The following SORCS2 variants were observed in gnomAD, a reference collection of about 807,000 sequenced individuals.
SORCS2 encodes VPS10 domain-containing receptor SorCS2.
SORCS2 carries 100 observed loss-of-function variants against 141.6 expected under a neutral mutation model. The observed-to-expected ratio is 0.71, with a 90% CI of 0.60 to 0.83. The LOEUF (loss-of-function observed/expected upper bound fraction) is 0.83, where lower values mean the gene tolerates loss of function less well. SORCS2 is among the 40% of genes least tolerant of loss of function. The pLI is 0.00. For synonymous variants in SORCS2, 789 were observed against 676.9 expected (o/e 1.17, Z -2.57); for missense variants, 1,646 against 1,560.2 (o/e 1.05, Z -0.93).
At position 7,531,542 on chromosome 4, in the gene SORCS2, C is replaced by A; in HGVS notation, c.561C>A (p.Phe187Leu). 6.2e-7 allele frequency: 1 copy of A among 1,613,736 alleles called. No individual in the cohort carries two copies. Among genetic ancestry groups the A allele is most frequent in the South Asian group, 1.1e-5 (1 of 91,050 alleles). ...LESSLWRSSD[F>L]GTSYTKLTLQ... ...CCTTTTCCCCCAGGTCATCAGATTT[C>A]GGGACGTCCTACACCAAGCTCACCC... Residue 187 changes from phenylalanine (F) to leucine (L), a missense_variant, in exon 3 of 27, where the codon TTC (phenylalanine) becomes TTA (leucine). Physicochemically the swap from Phe to Leu is conservative, Grantham distance 22. Coordinates refer to ENST00000507866, the MANE Select transcript of SORCS2 (RefSeq NM_020777.3).
rs184799465 is a variant in SORCS2, at chr4:7,306,044, C to T, written c.481-90244C>T. On this transcript the variant is annotated intron_variant, in intron 1 of 26. Transcript: ENST00000507866. The stretch of plus-strand genomic sequence containing the variant: ...CCCTGCCTGCAGTCACTCCCTTCCT[C>T]GACACACTCTTGGGCTTGCTGTGAG... Among the ~76,000 whole-genome samples the T allele has an allele frequency of 6.1e-3, 934 of 152,292 alleles. 8 individuals are homozygous for T. The highest frequency in any genetic ancestry group is 0.022 in the African/African-American group (901 of 41,552).
chr4:7,444,293 A>G (rs890226921), intron 2 of SORCS2, among the ~76,000 whole-genome samples: 7 of 152,252 alleles, frequency 4.6e-5, no homozygotes, highest in African/African-American at 1.4e-4. Flanking sequence ...ATTAAACAAC[A>G]CATAATAAGT....
Position 7,582,078 on chromosome 4 carries a change from G to A in SORCS2, c.648+50449G>A, listed in dbSNP as rs185957823. Among the ~76,000 whole-genome samples the A allele has an allele frequency of 1.1e-3, 161 of 152,250 alleles. 1 individual carries two copies. The highest frequency in any genetic ancestry group is 0.01 in the Middle Eastern group (3 of 294). The stretch of plus-strand genomic sequence containing the variant: ...AGATAACGATGATTTGGCCATTTTT[G>A]TGGTCACCTACCACTTATTGGAGAC... On this transcript the variant is annotated intron_variant, in intron 3 of 26. Coordinates refer to ENST00000507866, the MANE Select transcript of SORCS2 (RefSeq NM_020777.3).
At chr4:7,343,764 C>T (rs541143742) in intron 1 of SORCS2, among the ~76,000 whole-genome samples, 94 of 152,320 alleles carry the variant, frequency 6.2e-4, no homozygotes, top group African/African-American at 2.2e-3. Context: ...GGTTGGTACA[C>T]GGCGTAGAAT....
chr4:7,691,658 G>A (rs1443379415), intron 11 of SORCS2, among the ~76,000 whole-genome samples: 3 of 152,012 alleles, frequency 2.0e-5, no homozygotes, highest in African/African-American at 2.4e-5. Context: ...ATGTGAAGCC[G>A]CTGACTGCCT....
intron 10 of SORCS2, among the ~76,000 whole-genome samples, chr4:7,688,726 G>A (rs1724025039): frequency 6.6e-6 from 1 of 152,200 alleles, no homozygotes; most frequent in Admixed American, 6.5e-5. Flanking sequence ...AATTAGGAAG[G>A]CTGAGCCCAG....
chr4:7,460,896 C>A (rs1455267597), intron 2 of SORCS2, among the ~76,000 whole-genome samples: 1 of 152,176 alleles, frequency 6.6e-6, no homozygotes, highest in Non-Finnish European at 1.5e-5. Context: ...GCCAAGCTCG[C>A]AGCTTGAATT....
At chr4:7,458,193 C>T (rs2109315162) in intron 2 of SORCS2, among the ~76,000 whole-genome samples, 1 of 152,218 alleles carries the variant, frequency 6.6e-6, no homozygotes, top group Admixed American at 6.5e-5. Flanking sequence ...TTGCTGAGTC[C>T]TCCTGTGGGG....
chr4:7,364,806 C>T (rs112440075), intron 1 of SORCS2, among the ~76,000 whole-genome samples: 5,614 of 152,316 alleles, frequency 0.037, 109 homozygotes, highest in Middle Eastern at 0.088. Flanking sequence ...CAGTAGTAAC[C>T]TTGCCTGACA....
intron 16 of SORCS2, 37 bp from the exon 17 acceptor site, chr4:7,715,146 G>C: frequency 6.2e-7 from 1 of 1,608,330 alleles, no homozygotes; most frequent in Non-Finnish European, 8.5e-7. Context: ...GTTCCCACCT[G>C]TGCCCGTCAC....
At chr4:7,243,871 C>G (rs554483760) in intron 1 of SORCS2, among the ~76,000 whole-genome samples, 3 of 152,360 alleles carry the variant, frequency 2.0e-5, no homozygotes, top group Admixed American at 2.0e-4. Flanking sequence ...TCCCTGCTCT[C>G]TGTCTTCACA....
intron 2 of SORCS2, among the ~76,000 whole-genome samples, chr4:7,397,489 A>G (rs1399035795): frequency 6.6e-6 from 1 of 151,912 alleles, no homozygotes; most frequent in Non-Finnish European, 1.5e-5. Flanking sequence ...CCCCAGACCC[A>G]CTGGTCTCTT....
intron 3 of SORCS2, among the ~76,000 whole-genome samples, chr4:7,566,691 A>T (rs113901238): frequency 7.9e-4 from 121 of 152,376 alleles, no homozygotes; most frequent in African/African-American, 2.6e-3. Flanking sequence ...GAGCTCCCTT[A>T]GGAAGTGACG....
chr4:7,516,345 T>A (rs1577684185), intron 2 of SORCS2, among the ~76,000 whole-genome samples: 1 of 152,122 alleles, frequency 6.6e-6, no homozygotes, highest in Non-Finnish European at 1.5e-5. Context: ...AGGCTCTGCC[T>A]CTCCTCTCTG....
At chr4:7,278,191 C>A (rs375107331) in intron 1 of SORCS2, among the ~76,000 whole-genome samples, 1 of 152,140 alleles carries the variant, frequency 6.6e-6, no homozygotes, top group South Asian at 2.1e-4. Flanking sequence ...TCATCAATAG[C>A]GTGTAAGTCC....
chr4:7,226,102 G>A (rs1728975986), intron 1 of SORCS2, among the ~76,000 whole-genome samples: 1 of 152,270 alleles, frequency 6.6e-6, no homozygotes, highest in East Asian at 1.9e-4. Flanking sequence ...CTATAGCCTG[G>A]GGGCCTCTGA....
intron 1 of SORCS2, among the ~76,000 whole-genome samples, chr4:7,259,626 G>A (rs942829571): frequency 6.6e-6 from 1 of 152,198 alleles, no homozygotes; most frequent in South Asian, 2.1e-4. Flanking sequence ...CTTTGATGTA[G>A]CAGTACCCGC....
At chr4:7,542,939 C>T (rs1195902980) in intron 3 of SORCS2, among the ~76,000 whole-genome samples, 4 of 152,226 alleles carry the variant, frequency 2.6e-5, no homozygotes, top group Non-Finnish European at 5.9e-5. Flanking sequence ...CCCCTTCAGA[C>T]ACTCACCGGC....
intron 2 of SORCS2, among the ~76,000 whole-genome samples, chr4:7,509,968 A>G (rs1004761544): frequency 1.3e-5 from 2 of 152,238 alleles, no homozygotes; most frequent in African/African-American, 2.4e-5. Context: ...TCTAATTGCC[A>G]TGAGTAGAAT....
Sources: allele counts gnomAD v4.1 joint callset (sites outside exome capture counted in the v4.1 genomes callset), GRCh38; gene constraint gnomAD v4.1.1; transcripts MANE v1.5; gene names NCBI Gene and HGNC (gene_info 2026-07-23, HGNC 2026-07-21).